STARD3NL: variants seen among roughly 807,000 people sequenced by gnomAD.
STARD3NL encodes the protein STARD3 N-terminal-like protein.
STARD3NL carries 17 observed loss-of-function variants against 30.9 expected under a neutral mutation model. The ratio of observed to expected loss-of-function variants is 0.55; its 90% CI spans 0.38 to 0.82. The LOEUF (loss-of-function observed/expected upper bound fraction) is 0.82, where lower values mean the gene tolerates loss of function less well. STARD3NL is among the 40% of genes least tolerant of loss of function. The pLI is 0.00. For synonymous variants in STARD3NL, 112 were observed against 100.5 expected, an observed-to-expected ratio of 1.11 and a Z score of -0.69; for missense variants, 234 against 277.6, an observed-to-expected ratio of 0.84 and a Z score of 1.12.
At chr7:38,183,485 G>A (rs532774780) in intron 1 of STARD3NL, among the ~76,000 whole-genome samples, 1 of 152,208 alleles carries the variant, frequency 6.6e-6, no homozygotes, top group South Asian at 2.1e-4. Flanking sequence ...TAATAAATAT[G>A]TCCATTTGTT....
At chr7:38,201,027 A>T (rs1289153723) in intron 1 of STARD3NL, among the ~76,000 whole-genome samples, 1 of 151,622 alleles carries the variant, frequency 6.6e-6, no homozygotes, top group Non-Finnish European at 1.5e-5. Context: ...TAGAAGTCTG[A>T]ACCATATGTT....
At chr7:38,220,846 A>G (rs375370318) in intron 7 of STARD3NL, among the ~76,000 whole-genome samples, 2 of 152,200 alleles carry the variant, frequency 1.3e-5, no homozygotes, top group African/African-American at 4.8e-5. Flanking sequence ...GCTCATGCCT[A>G]TAATCCCAGC....
At chr7:38,222,174 C>T (rs1048488208) in intron 7 of STARD3NL, among the ~76,000 whole-genome samples, 3 of 135,190 alleles carry the variant, frequency 2.2e-5, no homozygotes, top group African/African-American at 9.1e-5. Flanking sequence ...CACACACACA[C>T]ACACACACAC....
chr7:38,187,849 A>G (rs1000232655), intron 1 of STARD3NL, among the ~76,000 whole-genome samples: 2 of 152,142 alleles, frequency 1.3e-5, no homozygotes, highest in Non-Finnish European at 2.9e-5. Flanking sequence ...CGCTTTCACT[A>G]AATAGCACAT....
chr7:38,204,064 T>C (rs1583800819), intron 1 of STARD3NL, among the ~76,000 whole-genome samples: 1 of 152,090 alleles, frequency 6.6e-6, no homozygotes, highest in East Asian at 1.9e-4. Context: ...CTGTCAACAT[T>C]AGACAGATCA....
chr7:38,197,438 CA>C (rs1366017931), intron 1 of STARD3NL, among the ~76,000 whole-genome samples: 1 of 152,042 alleles, frequency 6.6e-6, no homozygotes, highest in Non-Finnish European at 1.5e-5. Context: ...GTTGCCCAGG[CA>C]GCTCTCAAAC....
intron 7 of STARD3NL, among the ~76,000 whole-genome samples, chr7:38,220,596 T>A (rs992580100): frequency 3.3e-5 from 5 of 152,194 alleles, no homozygotes; most frequent in Non-Finnish European, 5.9e-5. Context: ...CCGTAAAAGA[T>A]TAAACATAGA....
chr7:38,191,885 T>TG (rs1784700310), intron 1 of STARD3NL, among the ~76,000 whole-genome samples: 1 of 149,910 alleles, frequency 6.7e-6, no homozygotes, highest in Non-Finnish European at 1.5e-5. Flanking sequence ...TGTATACATT[T>TG]TAGAATTAGC....
intron 7 of STARD3NL, among the ~76,000 whole-genome samples, chr7:38,221,966 T>C (rs901393102): frequency 1.3e-5 from 2 of 152,170 alleles, no homozygotes; most frequent in South Asian, 2.1e-4. Context: ...TTCCCATCGC[T>C]CCCGGCAGTC....
Position 38,188,716 on chromosome 7 carries a change from C to T in STARD3NL, c.-59+10296C>T, listed in dbSNP as rs896819986. On this transcript the variant is annotated intron_variant, in intron 1 of 8. Coordinates refer to ENST00000009041, the MANE Select transcript of STARD3NL (RefSeq NM_032016.4). ...CTCAATGTATATTTTAGGTTTGTCT[C>T]GTAAATTATGAAAACATTGATATGC... 2.6e-5 allele frequency among the ~76,000 whole-genome samples: 4 copies of T among 152,090 alleles called. No homozygotes were observed. In the South Asian group the frequency reaches 6.2e-4, roughly 24 times the overall value.
At chr7:38,211,907 A>G (rs1329581923) in intron 2 of STARD3NL, among the ~76,000 whole-genome samples, 3 of 152,206 alleles carry the variant, frequency 2.0e-5, no homozygotes, top group Non-Finnish European at 4.4e-5. Flanking sequence ...TGCCTCTAAA[A>G]TATATTCAAA....
chr7:38,225,182 A>G (rs565858240), intron 7 of STARD3NL, among the ~76,000 whole-genome samples: 3 of 152,264 alleles, frequency 2.0e-5, no homozygotes, highest in South Asian at 2.1e-4. Flanking sequence ...CTTTTGCCAT[A>G]TTTTTAATTG....
chr7:38,203,127 A>G (rs1785269319), intron 1 of STARD3NL, among the ~76,000 whole-genome samples: 2 of 152,204 alleles, frequency 1.3e-5, no homozygotes, highest in South Asian at 4.1e-4. Flanking sequence ...CAGGAAATAC[A>G]GAGAATGCCA....
chr7:38,228,248 C>T (rs1241815362), intron 7 of STARD3NL, among the ~76,000 whole-genome samples: 1 of 152,158 alleles, frequency 6.6e-6, no homozygotes, highest in African/African-American at 2.4e-5. Flanking sequence ...GAATAATAAG[C>T]ATTATTTCCT....
intron 7 of STARD3NL, among the ~76,000 whole-genome samples, chr7:38,224,073 A>C (rs1786617881): frequency 1.3e-5 from 2 of 152,006 alleles, no homozygotes; most frequent in South Asian, 4.1e-4. Flanking sequence ...GGCTTTTTGC[A>C]TCCAGCCTCT....
chr7:38,204,943 T>C (rs1785374982), intron 1 of STARD3NL, among the ~76,000 whole-genome samples: 1 of 152,102 alleles, frequency 6.6e-6, no homozygotes, highest in Non-Finnish European at 1.5e-5. Context: ...CAGGAAGAAG[T>C]TGAATCTCTG....
intron 1 of STARD3NL, among the ~76,000 whole-genome samples, chr7:38,185,669 T>C (rs1784428852): frequency 6.6e-6 from 1 of 152,152 alleles, no homozygotes; most frequent in Non-Finnish European, 1.5e-5. Context: ...TTTTATGTTG[T>C]TGAATGAAAA....
At chr7:38,208,882 T>C (rs1301289531) in intron 2 of STARD3NL, among the ~76,000 whole-genome samples, 1 of 152,232 alleles carries the variant, frequency 6.6e-6, no homozygotes, top group Non-Finnish European at 1.5e-5. Flanking sequence ...TTCTAATTCA[T>C]AGCATAATTT....
intron 1 of STARD3NL, among the ~76,000 whole-genome samples, chr7:38,193,488 C>T (rs561660682): frequency 3.9e-5 from 6 of 152,200 alleles, no homozygotes; most frequent in Non-Finnish European, 8.8e-5. Context: ...TTAGTAGAGA[C>T]GGGGTTTCAC....
Sources: gnomAD v4.1 joint callset for allele counts (sites outside exome capture counted in the v4.1 genomes callset) on GRCh38, gnomAD v4.1.1 for gene constraint, MANE v1.5 for transcripts, NCBI Gene and HGNC (gene_info 2026-07-23, HGNC 2026-07-21) for gene names.